FAT2: variants seen among roughly 807,000 people sequenced by gnomAD.
FAT2 encodes FAT atypical cadherin 2.
In FAT2, 150 loss-of-function variants were observed where a neutral mutation model predicts 295.3. That is an observed-to-expected ratio of 0.51 (90% CI 0.44 to 0.58). The LOEUF (loss-of-function observed/expected upper bound fraction) is 0.58, where lower values mean the gene tolerates loss of function less well. Among genes scored for constraint, FAT2 ranks in the 20% least tolerant of loss-of-function variants. The probability of loss-of-function intolerance (pLI) is 0.00; values close to 1 mark genes in which losing one functional copy is unlikely to be tolerated. For synonymous variants in FAT2, 2,026 were observed against 2,150.3 expected (o/e 0.94, Z 1.60); for missense variants, 4,868 against 5,442.7 (o/e 0.89, Z 3.32).
chr5:151,591,785 C>T (rs1026554678), upstream of FAT2, among the ~76,000 whole-genome samples: 1 of 152,186 alleles, frequency 6.6e-6, no homozygotes, highest in African/African-American at 2.4e-5. Context: ...GTTACTTAGT[C>T]TGAGCCTCAG....
intron 1 of FAT2, 61 bp from the exon 2 acceptor site, chr5:151,569,012 G>A (rs562945384): frequency 1.0e-4 from 147 of 1,444,766 alleles, no homozygotes; most frequent in Non-Finnish European, 1.3e-4. Context: ...CTACTGCTGT[G>A]ATTCTTAACT....
upstream of FAT2, among the ~76,000 whole-genome samples, chr5:151,592,302 T>G (rs1420717226): frequency 6.6e-6 from 1 of 152,200 alleles, no homozygotes; most frequent in Non-Finnish European, 1.5e-5. Context: ...TGTATGTTCA[T>G]GCACAGGTGA....
intron 1 of FAT2, among the ~76,000 whole-genome samples, chr5:151,587,464 A>G (rs974440686): frequency 8.6e-5 from 13 of 152,046 alleles, no homozygotes; most frequent in Non-Finnish European, 1.6e-4. Context: ...GGGCCTTTGC[A>G]TGTGTTATTT....
At position 151,569,258 on chromosome 5, in the gene FAT2, C is replaced by A. The variant is rs184671653; in HGVS notation, c.-20-307G>T. On this transcript the variant is annotated intron_variant, in intron 1 of 23. Coordinates refer to ENST00000261800, the MANE Select transcript of FAT2 (RefSeq NM_001447.3). Reference sequence around the variant, plus strand: ...AATGAGGTTTAATGGACTCACCGTTCCACATGACTGGGGAGGCCCCATAAT... The same window carrying A: ...AATGAGGTTTAATGGACTCACCGTTACACATGACTGGGGAGGCCCCATAAT... 3.3e-3 allele frequency among the ~76,000 whole-genome samples: 509 copies of A among 152,314 alleles called. 3 individuals are homozygous for A. The highest frequency in any genetic ancestry group is 0.017 in the Middle Eastern group (5 of 294).
At chr5:151,527,494 C>T (rs973014138) in intron 16 of FAT2, 117 bp from the exon 17 acceptor site, 9 of 938,542 alleles carry the variant, frequency 9.6e-6, no homozygotes, top group South Asian at 8.5e-5. Flanking sequence ...CCTATGCCCA[C>T]CCCCACTGCC....
chr5:151,528,383 A>C (rs984380676), intron 15 of FAT2, among the ~76,000 whole-genome samples: 1 of 152,180 alleles, frequency 6.6e-6, no homozygotes, highest in African/African-American at 2.4e-5. Context: ...AATGTGAGGA[A>C]TGTGCTAAAA....
intron 5 of FAT2, among the ~76,000 whole-genome samples, chr5:151,553,885 T>G (rs536574154): frequency 1.3e-5 from 2 of 152,342 alleles, no homozygotes; most frequent in Admixed American, 1.3e-4. Context: ...TCGATTCACC[T>G]GCCAGATGAA....
At chr5:151,551,690 A>G in intron 6 of FAT2, 84 bp from the exon 7 acceptor site, 1 of 1,463,876 alleles carries the variant, frequency 6.8e-7, no homozygotes, top group Non-Finnish European at 9.4e-7. Flanking sequence ...TGTCAGGCTC[A>G]GAGGACACGG....
rs2127631856 is a variant in FAT2 at position 151,554,689 on chromosome 5, A to G, written c.3634-16T>C. On this transcript the variant is annotated splice_polypyrimidine_tract_variant and intron_variant, in intron 4 of 23. Coordinates refer to ENST00000261800, the MANE Select transcript of FAT2 (RefSeq NM_001447.3). The stretch of plus-strand genomic sequence containing the variant: ...GCACAGTCACCTGGGAGCAGAATTG[A>G]GCATGAGCACCTGAGCTGACAATTG... 1 of 1,597,614 alleles carries G rather than the reference A, an allele frequency of 6.3e-7. No homozygotes were observed. Among genetic ancestry groups the G allele is most frequent in the Non-Finnish European group, 8.5e-7 (1 of 1,171,628 alleles).
At chr5:151,588,603 C>A (rs893486149) in intron 1 of FAT2, among the ~76,000 whole-genome samples, 1 of 152,208 alleles carries the variant, frequency 6.6e-6, no homozygotes, top group Admixed American at 6.5e-5. Context: ...CAATGAGCTT[C>A]TTTTCTGTGC....
chr5:151,556,658 C>T (rs757101057), intron 3 of FAT2, among the ~76,000 whole-genome samples: 3 of 152,132 alleles, frequency 2.0e-5, no homozygotes, highest in Non-Finnish European at 4.4e-5. Flanking sequence ...CTTCAGTATT[C>T]AAATACTGAA....
intron 12 of FAT2, among the ~76,000 whole-genome samples, chr5:151,534,968 AAAATATAT>A (rs1253852499): frequency 1.9e-5 from 1 of 52,712 alleles, no homozygotes; most frequent in Non-Finnish European, 3.4e-5. Context: ...CACTTCTAGG[AAAATATAT>A]ATATATATAT....
Position 151,512,175 on chromosome 5 carries a change from G to C in FAT2, c.11895C>G (p.Thr3965=), listed in dbSNP as rs1470572145. The part of the protein sequence containing the change: ...TCLNGGKCSW[T]HGAGYVCKCP... ...CACCCCAGCCCTCACCTGCCCCATG[G>C]GTCCATGAGCACTTCCCACCATTGA... The change falls in exon 21 of 24, where the codon ACC becomes ACG. Residue 3965 remains threonine, a synonymous_variant. Coordinates refer to ENST00000261800, the MANE Select transcript of FAT2 (RefSeq NM_001447.3). This position sits in a 1 kb window ranked among gnomAD's most constrained non-coding sequence, Gnocchi z 4.1. 6.2e-7 allele frequency: 1 copy of C among 1,611,806 alleles called. No homozygotes were observed. Among genetic ancestry groups the C allele is most frequent in the Non-Finnish European group, 8.5e-7 (1 of 1,178,150 alleles).
rs1761400453 is a variant in FAT2 at position 151,512,508 on chromosome 5, G to A, written c.11562C>T (p.Ser3854=). Residue 3854 remains serine, a synonymous_variant, in exon 21 of 24, where the codon TCC becomes TCT. Coordinates refer to ENST00000261800, the MANE Select transcript of FAT2 (RefSeq NM_001447.3). This position sits in a 1 kb window ranked among gnomAD's most constrained non-coding sequence, Gnocchi z 4.1. ...AAGCGTCCATCTCCTCCACCAGGAT[G>A]GAGTGCCACTCGTGGTCATTCACAT... ...QRHVNDHEWH[S]ILVEEMDASI... The A allele has an allele frequency of 6.2e-7, 1 of 1,614,000 alleles. No homozygotes were observed.
chr5:151,562,349 G>A (rs1431005361), intron 3 of FAT2, among the ~76,000 whole-genome samples: 1 of 152,200 alleles, frequency 6.6e-6, no homozygotes. Flanking sequence ...TGGGGAATAT[G>A]TCAGCCTTCT....
At position 151,568,806 on chromosome 5, in the gene FAT2, G is replaced by T; in HGVS notation, c.126C>A (p.Ile42=). The T allele has an allele frequency of 6.2e-7, 1 of 1,614,128 alleles. No homozygotes were observed. Among genetic ancestry groups the T allele is most frequent in the Admixed American group, 1.7e-5 (1 of 60,020 alleles). The part of the protein sequence containing the change: ...HFTHSHYNAT[I]YENSSPKTYV... ...AGGTCTTGGGAGAAGAATTTTCATA[G>T]ATGGTGGCATTGTAATGGGAGTGTG... Residue 42 remains isoleucine, a synonymous_variant, in exon 2 of 24, where the codon ATC becomes ATA. Coordinates refer to ENST00000261800, the MANE Select transcript of FAT2 (RefSeq NM_001447.3).
chr5:151,521,526 A>G lies in FAT2; in HGVS notation c.11067T>C (p.His3689=). The change falls in exon 19 of 24, where the codon CAT becomes CAC. Residue 3689 remains histidine (H), a synonymous_variant. Coordinates refer to ENST00000261800, the MANE Select transcript of FAT2 (RefSeq NM_001447.3). ...CCTGAAACTCGTAGAAGGTTCCAGA[A>G]TGCCCCTCAAAGACCAGGAGCACAT... ...GVDVLLVFEG[H]SGTFYEFQEL... 6.2e-7 allele frequency: 1 copy of G among 1,614,216 alleles called. No individual in the cohort carries two copies. The highest frequency in any genetic ancestry group is 8.5e-7 in the Non-Finnish European group (1 of 1,180,030).
chr5:151,516,068 T>G (rs372157879), intron 20 of FAT2, among the ~76,000 whole-genome samples: 1 of 152,222 alleles, frequency 6.6e-6, no homozygotes, highest in Admixed American at 6.5e-5. Context: ...AGCATTCTCC[T>G]GCCAAAAGGC....
In FAT2 at chr5:151,512,093, C is replaced by G. The variant is rs974372652; in HGVS notation, c.11905+72G>C. 4.1e-6 allele frequency: 6 copies of G among 1,448,934 alleles called. No individual in the cohort carries two copies. Among genetic ancestry groups the G allele is most frequent in the Non-Finnish European group, 4.7e-6 (5 of 1,062,652 alleles). 89.8% of individuals were successfully genotyped at this position (1,448,934 alleles called of 1,614,324 possible). A position where few individuals can be genotyped will look rare whatever the true frequency, so the allele number is the denominator to read the frequency against. On this transcript the variant is annotated intron_variant, in intron 21 of 23. Coordinates refer to ENST00000261800, the MANE Select transcript of FAT2 (RefSeq NM_001447.3). This position sits in a 1 kb window ranked among gnomAD's most constrained non-coding sequence, Gnocchi z 4.1. ...ACCAGGAGGCTCTGAGATCTCCACC[C>G]TGACATGCTTTTCCCACCTGAAGAG... is the stretch of plus-strand genomic sequence containing the variant.
Sources: gnomAD v4.1 joint callset for allele counts (sites outside exome capture counted in the v4.1 genomes callset) on GRCh38, gnomAD v4.1.1 for gene constraint, Gnocchi (gnomAD v3.1) non-coding constraint, MANE v1.5 for transcripts, NCBI Gene and HGNC (gene_info 2026-07-23, HGNC 2026-07-21) for gene names.